RANBP17: variants seen among roughly 807,000 people sequenced by gnomAD.
The protein encoded by RANBP17 is RAN binding protein 17.
Under a neutral mutation model 141.2 loss-of-function variants are expected in RANBP17, and 158 were observed. The observed-to-expected ratio is 1.12, with a 90% CI of 0.98 to 1.28. The LOEUF (loss-of-function observed/expected upper bound fraction) is 1.28, where lower values mean the gene tolerates loss of function less well. Among genes scored for constraint, RANBP17 ranks in the 50% most tolerant of loss-of-function variants. RANBP17 has a pLI of 0.00. For missense variants in RANBP17, 1,438 were observed against 1,290.7 expected (o/e 1.11, Z -1.75); for synonymous variants, 430 against 450.0 (o/e 0.96, Z 0.56).
intron 3 of RANBP17, among the ~76,000 whole-genome samples, chr5:170,888,225 A>C (rs1769317006): frequency 6.6e-6 from 1 of 152,190 alleles, no homozygotes; most frequent in Non-Finnish European, 1.5e-5. Flanking sequence ...AACTTTTAGA[A>C]TCAGTTCATT....
At chr5:171,012,840 T>C (rs1429926766) in intron 14 of RANBP17, among the ~76,000 whole-genome samples, 1 of 152,152 alleles carries the variant, frequency 6.6e-6, no homozygotes, top group Non-Finnish European at 1.5e-5. Context: ...TAAAAACAAA[T>C]GTATATGGTT....
In RANBP17 at chr5:170,909,641, T is replaced by G; in HGVS notation, c.490-20T>G. On this transcript the variant is annotated intron_variant, in intron 5 of 27. Transcript: ENST00000523189. The stretch of plus-strand genomic sequence containing the variant: ...TTTTTCATAGGTCTGGTTAAACTAA[T>G]TTCATCTTTATCTTTTTAGGTTGAT... 1 of 1,197,072 alleles carries G rather than the reference T, an allele frequency of 8.4e-7. No homozygotes were observed. Among genetic ancestry groups the G allele is most frequent in the African/African-American group, 1.6e-5 (1 of 64,342 alleles). 74.2% of individuals were successfully genotyped at this position (1,197,072 alleles called of 1,614,324 possible).
chr5:171,298,622 A>T, intron 27 of RANBP17, 140 bp from the exon 28 acceptor site: 2 of 564,410 alleles, frequency 3.5e-6, no homozygotes. Context: ...GTGGAGAGAA[A>T]GGAGCTCAGC....
Position 171,274,149 on chromosome 5 carries a change from T to TGCGC in RANBP17, c.2943+8314_2943+8317dup, listed in dbSNP as rs1554127520. ...GTGTGTGTGTGTGTGTGTGTGTGTG[T>TGCGC]GCGCGCGCGCGCGCGTGCGCAAAAT... On this transcript the variant is annotated intron_variant, in intron 25 of 27. Coordinates refer to ENST00000523189, the MANE Select transcript of RANBP17 (RefSeq NM_022897.5). Among the ~76,000 whole-genome samples the TGCGC allele has an allele frequency of 2.2e-3, 273 of 126,776 alleles. 1 individual carries two copies. Among genetic ancestry groups the TGCGC allele is most frequent in the East Asian group, 5.6e-3 (26 of 4,610 alleles). The allele number at this position is 126,776 out of a possible 152,430, so 83.2% of individuals were successfully genotyped here. A position where few individuals can be genotyped will look rare whatever the true frequency, so the allele number is the denominator to read the frequency against.
intron 14 of RANBP17, among the ~76,000 whole-genome samples, chr5:171,023,854 T>C (rs1330213276): frequency 6.6e-6 from 1 of 152,186 alleles, no homozygotes; most frequent in African/African-American, 2.4e-5. Flanking sequence ...GCTCACCTTA[T>C]TTTCTGTCTC....
At chr5:170,917,883 G>A (rs1346365502) in intron 9 of RANBP17, among the ~76,000 whole-genome samples, 1 of 152,102 alleles carries the variant, frequency 6.6e-6, no homozygotes, top group African/African-American at 2.4e-5. Context: ...TTTTAAAGAT[G>A]TATGATTACA....
intron 14 of RANBP17, among the ~76,000 whole-genome samples, chr5:171,003,497 G>A (rs1779368030): frequency 6.6e-6 from 1 of 152,304 alleles, no homozygotes; most frequent in African/African-American, 2.4e-5. Flanking sequence ...TCGGCAGGGA[G>A]AGCACGTGTG....
In RANBP17 at chr5:171,002,469, AAG is replaced by A. The variant is rs1328424580; in HGVS notation, c.1710+34095_1710+34096del. On this transcript the variant is annotated intron_variant, in intron 14 of 27. Transcript: ENST00000523189. ...CCTTTGGAAGTAAAGCGGCCTTGAG[AAG>A]AGTTTTTATTAAAGAGGCATTAATG... Among the ~76,000 whole-genome samples the A allele has an allele frequency of 5.9e-5, 9 of 152,230 alleles. No homozygotes were observed. In the East Asian group the frequency reaches 1.7e-3, roughly 29 times the overall value.
intron 18 of RANBP17, among the ~76,000 whole-genome samples, chr5:171,198,133 ATAT>A (rs1762084245): frequency 6.6e-6 from 1 of 152,224 alleles, no homozygotes; most frequent in Non-Finnish European, 1.5e-5. Context: ...ATTGGGAAAG[ATAT>A]TATTTCACCT....
intron 14 of RANBP17, among the ~76,000 whole-genome samples, chr5:171,046,921 G>A (rs940510112): frequency 2.0e-5 from 3 of 151,740 alleles, no homozygotes; most frequent in African/African-American, 4.8e-5. Context: ...AGCAGTTTCA[G>A]CACAATCTTA....
chr5:170,973,325 C>T (rs1350200383), intron 14 of RANBP17, among the ~76,000 whole-genome samples: 2 of 151,932 alleles, frequency 1.3e-5, no homozygotes, highest in Non-Finnish European at 2.9e-5. Flanking sequence ...TCATATCATG[C>T]AAAAATCAAT....
intron 14 of RANBP17, among the ~76,000 whole-genome samples, chr5:171,113,012 T>C (rs932077072): frequency 1.3e-5 from 2 of 152,112 alleles, no homozygotes; most frequent in African/African-American, 4.8e-5. Context: ...TACTTCAGAA[T>C]CATGTCTGGC....
chr5:170,970,172 T>C (rs942450384), intron 14 of RANBP17, among the ~76,000 whole-genome samples: 2 of 151,942 alleles, frequency 1.3e-5, no homozygotes, highest in Non-Finnish European at 2.9e-5. Flanking sequence ...GTAAGTACTA[T>C]ATATACAATT....
At chr5:171,143,436 T>A (rs979375503) in intron 14 of RANBP17, 4 of 152,218 alleles carry the variant, frequency 2.6e-5, no homozygotes, top group Non-Finnish European at 5.9e-5. Flanking sequence ...GCTTACTTTC[T>A]TTATCACTTA....
chr5:171,005,898 G>GA (rs994729636), intron 14 of RANBP17, among the ~76,000 whole-genome samples: 1 of 151,402 alleles, frequency 6.6e-6, no homozygotes, highest in African/African-American at 2.4e-5. Context: ...AAATTTACAA[G>GA]AAAAAAAACA....
At chr5:171,028,722 C>T (rs755357055) in intron 14 of RANBP17, 30 of 334,940 alleles carry the variant, frequency 9.0e-5, no homozygotes, top group Non-Finnish European at 1.6e-4. Flanking sequence ...TCTCTTCCAA[C>T]TTTTGCAGAG....
chr5:170,949,338 A>G lies in RANBP17; in HGVS notation c.1469-4259A>G, dbSNP rs141329522. 3.8e-4 allele frequency among the ~76,000 whole-genome samples: 58 copies of G among 152,326 alleles called. 2 individuals carry two copies. In the East Asian group the frequency reaches 0.011, roughly 29 times the overall value. On this transcript the variant is annotated intron_variant, in intron 12 of 27. Transcript: ENST00000523189. ...AATATTTGCATATCATATGACTGAT[A>G]AGAGATTAGCATCTAGAATACATAA...
intron 14 of RANBP17, among the ~76,000 whole-genome samples, chr5:170,987,989 TG>T (rs899229608): frequency 7.5e-4 from 110 of 147,422 alleles, no homozygotes; most frequent in African/African-American, 2.8e-3. Context: ...AATTATATTT[TG>T]TTATGTAATT....
In RANBP17 at chr5:171,296,032, G is replaced by A. The variant is rs1456943638; in HGVS notation, c.3170+18G>A. The A allele has an allele frequency of 5.6e-6, 9 of 1,608,666 alleles. No homozygotes were observed. Among genetic ancestry groups the A allele is most frequent in the Non-Finnish European group, 7.6e-6 (9 of 1,176,522 alleles). On this transcript the variant is annotated intron_variant, in intron 27 of 27. Transcript: ENST00000523189. Reference sequence around the variant, plus strand: ...AGAGACAGGTGAGCATTGCCCAGTAGTGTGTCACTGGGGGAAGTAGACATT... The same window carrying A: ...AGAGACAGGTGAGCATTGCCCAGTAATGTGTCACTGGGGGAAGTAGACATT...
Sources: allele counts gnomAD v4.1 joint callset (sites outside exome capture counted in the v4.1 genomes callset), GRCh38; gene constraint gnomAD v4.1.1; transcripts MANE v1.5; gene names NCBI Gene and HGNC (gene_info 2026-07-23, HGNC 2026-07-21).